Variants in DMD observed in about 807,000 individuals in gnomAD.
The protein encoded by DMD is dystrophin.
In DMD, 63 loss-of-function variants were observed where a neutral mutation model predicts 330.1. That is an observed-to-expected ratio of 0.19 (90% CI 0.16 to 0.24). The LOEUF is 0.24. Ranked by LOEUF, DMD falls within the 10% of genes least tolerant of loss-of-function variation. The pLI, the probability that DMD is intolerant of heterozygous loss-of-function variation, is 1.00. For synonymous variants in DMD, 1,223 were observed against 959.8 expected, an observed-to-expected ratio of 1.27 and a Z score of -5.07; for missense variants, 3,344 against 2,684.1, an observed-to-expected ratio of 1.25 and a Z score of -5.43.
At chrX:33,317,605 G>A (rs2053950449) in intron 1 of DMD, among the ~76,000 whole-genome samples, 1 of 111,154 alleles carries the variant, frequency 9.0e-6, no homozygotes, top group Non-Finnish European at 1.9e-5. Context: ...ATGAATAATT[G>A]TAGTAGAAAC....
At chrX:31,627,963 T>G in intron 54 of DMD, 101 bp from the exon 55 acceptor site, 1 of 768,331 alleles carries the variant, frequency 1.3e-6, no homozygotes. Context: ...AATTGTAATA[T>G]ACCAACAATG....
At chrX:31,948,173 A>G (rs2095113564) in intron 45 of DMD, among the ~76,000 whole-genome samples, 1 of 111,269 alleles carries the variant, frequency 9.0e-6, no homozygotes, top group Non-Finnish European at 1.9e-5. Flanking sequence ...TTCCAGGTTC[A>G]TACATATTGT....
At chrX:31,318,091 A>G (rs766958269) in intron 62 of DMD, among the ~76,000 whole-genome samples, 41 of 112,381 alleles carry the variant, frequency 3.6e-4, no homozygotes, top group Non-Finnish European at 6.6e-4. Context: ...TGAGAGCAAG[A>G]TATGCTTTAA....
intron 45 of DMD, among the ~76,000 whole-genome samples, chrX:31,934,673 A>G (rs2094901904): frequency 9.0e-6 from 1 of 110,954 alleles, no homozygotes; most frequent in Non-Finnish European, 1.9e-5. Flanking sequence ...GATGAATGCT[A>G]TTTACTTCAG....
At chrX:32,276,686 G>A (rs1425663956) in intron 43 of DMD, among the ~76,000 whole-genome samples, 1 of 110,986 alleles carries the variant, frequency 9.0e-6, no homozygotes, top group Non-Finnish European at 1.9e-5. Flanking sequence ...TTGGGAGGCC[G>A]AAGTAGGTGG....
intron 54 of DMD, among the ~76,000 whole-genome samples, chrX:31,644,873 G>A: frequency 9.0e-6 from 1 of 111,501 alleles, no homozygotes; most frequent in Non-Finnish European, 1.9e-5. Flanking sequence ...AGTGTATGGG[G>A]GTTTACTCAC....
At chrX:31,894,604 C>T (rs897206382) in intron 47 of DMD, among the ~76,000 whole-genome samples, 4 of 112,123 alleles carry the variant, frequency 3.6e-5, no homozygotes, top group African/African-American at 9.7e-5. Context: ...AGGAACATTC[C>T]TTTGAAAGGC....
At chrX:32,450,427 TG>T (rs1246584971) in intron 26 of DMD, among the ~76,000 whole-genome samples, 3 of 111,258 alleles carry the variant, frequency 2.7e-5, no homozygotes, top group Non-Finnish European at 5.7e-5. Context: ...ATCAGCTTTT[TG>T]GCATCACTGA....
At chrX:32,434,266 T>C (rs1477169997) in intron 29 of DMD, among the ~76,000 whole-genome samples, 1 of 111,768 alleles carries the variant, frequency 8.9e-6, no homozygotes, top group Non-Finnish European at 1.9e-5. Context: ...TTAAGGCTCA[T>C]CTTCAAATTA....
At chrX:32,202,392 G>A (rs917020212) in intron 44 of DMD, among the ~76,000 whole-genome samples, 3 of 110,789 alleles carry the variant, frequency 2.7e-5, no homozygotes, top group African/African-American at 9.8e-5. Flanking sequence ...TCACTCTGTC[G>A]CCAGGCTGGA....
At chrX:32,842,413 C>CA (rs889724306) in intron 4 of DMD, among the ~76,000 whole-genome samples, 9 of 111,947 alleles carry the variant, frequency 8.0e-5, no homozygotes, top group African/African-American at 9.7e-5. Context: ...AACAAACAAA[C>CA]AAAAAAACCC....
intron 11 of DMD, among the ~76,000 whole-genome samples, chrX:32,639,198 A>G (rs775243010): frequency 8.1e-4 from 91 of 112,191 alleles, no homozygotes; most frequent in African/African-American, 2.8e-3. Flanking sequence ...AAATGTCAGT[A>G]AATCTTTTTT....
At position 31,478,118 on chromosome X, in the gene DMD, G is replaced by A. The variant is rs374063420; in HGVS notation, c.8925C>T (p.Leu2975=). The A allele has an allele frequency of 1.4e-4, 175 of 1,208,636 alleles. No individual in the cohort carries two copies. Among genetic ancestry groups the A allele is most frequent in the Middle Eastern group, 2.3e-4 (1 of 4,293 alleles). Residue 2975 remains leucine (L), a synonymous_variant, in exon 59 of 79, where the codon CTC becomes CTT. Transcript: ENST00000357033. ...AAGTAGACGGTACCTTGACTTTCTC[G>A]AGGTGATCTTGGAGAGAGTCAATGA... The part of the protein sequence containing the change: ...DLLIDSLQDH[L]EKVKALRGEI...
At chrX:33,163,628 C>CTATCTATCTATG (rs779008582) in intron 1 of DMD, among the ~76,000 whole-genome samples, 1 of 100,069 alleles carries the variant, frequency 1.0e-5, no homozygotes, top group Non-Finnish European at 2.0e-5. Context: ...CTCTATCTAT[C>CTATCTATCTATG]TATCTATCTA....
intron 7 of DMD, among the ~76,000 whole-genome samples, chrX:32,746,420 G>C (rs566913516): frequency 1.8e-5 from 2 of 111,794 alleles, no homozygotes; most frequent in Non-Finnish European, 3.8e-5. Context: ...CAGTGGTCTA[G>C]GGCAGGCTAT....
chrX:32,346,925 A>C (rs1419277802), intron 38 of DMD, among the ~76,000 whole-genome samples: 1 of 111,995 alleles, frequency 8.9e-6, no homozygotes, highest in African/African-American at 3.2e-5. Flanking sequence ...ACTTTGTATC[A>C]AGTAGTCTCA....
intron 59 of DMD, among the ~76,000 whole-genome samples, chrX:31,468,738 G>A (rs757822307): frequency 3.4e-4 from 38 of 111,186 alleles, no homozygotes; most frequent in Non-Finnish European, 7.2e-4. Context: ...CTGTTTCGTT[G>A]ATCCGTCTAA....
At chrX:31,658,417 A>C (rs2080917402) in intron 53 of DMD, among the ~76,000 whole-genome samples, 1 of 112,057 alleles carries the variant, frequency 8.9e-6, no homozygotes, top group African/African-American at 3.2e-5. Flanking sequence ...AGTGGGCTTA[A>C]TTGTTTTTAT....
intron 2 of DMD, among the ~76,000 whole-genome samples, chrX:32,993,552 G>C (rs1292880158): frequency 9.3e-6 from 1 of 107,638 alleles, no homozygotes; most frequent in East Asian, 2.9e-4. Context: ...GCAGTGAGCT[G>C]ATATCATGCC....
Sources: allele counts gnomAD v4.1 joint callset (sites outside exome capture counted in the v4.1 genomes callset), GRCh38; gene constraint gnomAD v4.1.1; transcripts MANE v1.5; gene names NCBI Gene and HGNC (gene_info 2026-07-23, HGNC 2026-07-21).